The following CHD8 variants were observed in gnomAD, a reference collection of about 807,000 sequenced individuals.
The protein encoded by CHD8 is chromodomain helicase DNA binding protein 8.
In CHD8, 31 loss-of-function variants were observed where a neutral mutation model predicts 279.2. That is an observed-to-expected ratio of 0.11 (90% CI 0.08 to 0.15). CHD8 has a LOEUF of 0.15. Ranked by LOEUF, CHD8 falls within the 10% of genes least tolerant of loss-of-function variation. CHD8 has a pLI of 1.00. For synonymous variants in CHD8, 1,081 were observed against 1,139.6 expected, an observed-to-expected ratio of 0.95 and a Z score of 1.04; for missense variants, 2,146 against 3,230.5, an observed-to-expected ratio of 0.66 and a Z score of 8.14.
chr14:21,455,813 C>G (rs1890374774), intron 1 of CHD8, among the ~76,000 whole-genome samples: 1 of 152,106 alleles, frequency 6.6e-6, no homozygotes, highest in Non-Finnish European at 1.5e-5. Context: ...CGGCCCGGCT[C>G]GGACCCCGCG....
At chr14:21,454,025 G>A (rs1251395687) in intron 1 of CHD8, among the ~76,000 whole-genome samples, 1 of 151,812 alleles carries the variant, frequency 6.6e-6, no homozygotes, top group Non-Finnish European at 1.5e-5. Context: ...AAGCATGGTG[G>A]CGGGCGCCTG....
intron 1 of CHD8, among the ~76,000 whole-genome samples, chr14:21,450,304 GAACT>G (rs1890226671): frequency 1.3e-5 from 2 of 152,082 alleles, no homozygotes; most frequent in African/African-American, 4.8e-5. Context: ...GTTTCTTCCA[GAACT>G]AACCAAAAAG....
In CHD8 at chr14:21,405,638, A is replaced by T. The variant is rs1167117341; in HGVS notation, c.3051+83T>A. 2.6e-6 allele frequency: 4 copies of T among 1,522,826 alleles called. No individual in the cohort carries two copies. Among genetic ancestry groups the T allele is most frequent in the Non-Finnish European group, 3.6e-6 (4 of 1,118,182 alleles). The allele number at this position is 1,522,826 out of a possible 1,614,324, so 94.3% of individuals were successfully genotyped here. On this transcript the variant is annotated intron_variant, in intron 15 of 37. Transcript: ENST00000646647. The surrounding 1 kb of genome is among the most constrained non-coding windows in gnomAD (Gnocchi z 4.2). ...TAAGGAGTTCAGAAAGGCCCTTGAG[A>T]TACCCATGACAACAGATGTCTGCCT... is the stretch of plus-strand genomic sequence containing the variant.
At chr14:21,401,545 A>AT (rs757692092) in intron 20 of CHD8, 32 bp from the exon 21 acceptor site, 233 of 1,160,544 alleles carry the variant, frequency 2.0e-4, no homozygotes, top group Non-Finnish European at 2.5e-4. Context: ...GGTAAAGCTG[A>AT]CTTTTTTTTT....
intron 5 of CHD8, chr14:21,419,714 A>G: frequency 4.6e-6 from 1 of 215,986 alleles, no homozygotes; most frequent in Non-Finnish European, 9.6e-6. Flanking sequence ...CTACAGGACA[A>G]CCCCCCAGGG....
At chr14:21,407,120 G>A in intron 13 of CHD8, 88 bp from the exon 14 acceptor site, 1 of 1,084,146 alleles carries the variant, frequency 9.2e-7, no homozygotes, top group South Asian at 1.6e-5. Flanking sequence ...ATTAAGGCAT[G>A]TTTAATAGGC....
chr14:21,431,892 G>C, intron 1 of CHD8, 34 bp from the exon 2 acceptor site: 7 of 1,463,778 alleles, frequency 4.8e-6, no homozygotes, highest in Non-Finnish European at 4.8e-6. Context: ...ATGAAAAATA[G>C]GCAAAGTTGG....
intron 5 of CHD8, among the ~76,000 whole-genome samples, chr14:21,423,516 A>G (rs1889148168): frequency 6.6e-6 from 1 of 151,386 alleles, no homozygotes; most frequent in African/African-American, 2.4e-5. Flanking sequence ...CTTCCTATCC[A>G]TGAACTTTTT....
Position 21,405,491 on chromosome 14 carries a change from AAATC to A in CHD8, c.3052-31_3052-28del. On this transcript the variant is annotated intron_variant, in intron 15 of 37. Coordinates refer to ENST00000646647, the MANE Select transcript of CHD8 (RefSeq NM_001170629.2). The surrounding 1 kb of genome is among the most constrained non-coding windows in gnomAD (Gnocchi z 4.2). ...TGTGGTCCATTACAGAGAGAAAAAT[AAATC>A]AATAAGATGAGGGCGAACATTCTCA... 6.3e-7 allele frequency: 1 copy of A among 1,592,568 alleles called. No homozygotes were observed. Among genetic ancestry groups the A allele is most frequent in the South Asian group, 1.1e-5 (1 of 88,414 alleles).
intron 37 of CHD8, among the ~76,000 whole-genome samples, chr14:21,386,882 C>T (rs1887272940): frequency 6.6e-6 from 1 of 151,694 alleles, no homozygotes; most frequent in Non-Finnish European, 1.5e-5. Context: ...GCAAGTTGTT[C>T]ACTTGTTCTT....
chr14:21,385,626 T>A lies in CHD8; in HGVS notation c.7733A>T (p.Asp2578Val). The change falls in exon 38 of 38, where the codon GAT becomes GTT. Residue 2578 changes from aspartate (D) to valine (V), a missense_variant. Physicochemically the swap from Asp to Val is radical, Grantham distance 152 (BLOSUM62 -3). Around this residue, in one of 26 missense-constraint regions of CHD8, gnomAD observed 336 missense variants for 392.9 expected, o/e 0.86. Transcript: ENST00000646647. ...MMPANSDSSE[D>V]ADD is the part of the protein sequence containing the mutation. Reference sequence around the variant, plus strand: ...CATGCTGGGGCTTCAGTCATCAGCATCTTCACTGGAGTCTGAGTTAGCTGG... The same window carrying A: ...CATGCTGGGGCTTCAGTCATCAGCAACTTCACTGGAGTCTGAGTTAGCTGG... 1 of 1,551,370 alleles carries A rather than the reference T, an allele frequency of 6.4e-7. No homozygotes were observed. Among genetic ancestry groups the A allele is most frequent in the East Asian group, 2.4e-5 (1 of 40,912 alleles).
chr14:21,452,622 A>C (rs528106776), intron 1 of CHD8, among the ~76,000 whole-genome samples: 3 of 151,876 alleles, frequency 2.0e-5, no homozygotes, highest in Admixed American at 2.0e-4. Context: ...CCAGCCTGGG[A>C]GACACAGGGA....
At chr14:21,392,081 G>C in intron 34 of CHD8, 135 bp from the exon 35 acceptor site, 1 of 777,536 alleles carries the variant, frequency 1.3e-6, no homozygotes, top group East Asian at 2.4e-5. Context: ...TCTGACTAAA[G>C]GGTAAAATTA....
intron 26 of CHD8, chr14:21,399,084 C>T (rs977859684): frequency 4.7e-5 from 16 of 339,818 alleles, no homozygotes; most frequent in South Asian, 1.4e-4. Flanking sequence ...GGAGGATGGC[C>T]GTACTCTTTC....
intron 20 of CHD8, 32 bp from the exon 21 acceptor site, chr14:21,401,545 A>T (rs1365453726): frequency 4.8e-5 from 56 of 1,160,544 alleles, no homozygotes; most frequent in Non-Finnish European, 6.4e-5. Context: ...GGTAAAGCTG[A>T]CTTTTTTTTT....
At chr14:21,450,915 C>A (rs960679539) in intron 1 of CHD8, among the ~76,000 whole-genome samples, 1 of 152,054 alleles carries the variant, frequency 6.6e-6, no homozygotes, top group African/African-American at 2.4e-5. Flanking sequence ...TACAAGGGAG[C>A]AATGAAGCAC....
intron 1 of CHD8, among the ~76,000 whole-genome samples, chr14:21,438,592 T>C (rs1438313389): frequency 1.4e-5 from 2 of 146,964 alleles, no homozygotes; most frequent in Non-Finnish European, 3.0e-5. Context: ...CCCAGCACTT[T>C]GGGAGAGCGA....
At chr14:21,434,464 C>G (rs904220681) in intron 1 of CHD8, among the ~76,000 whole-genome samples, 10 of 151,998 alleles carry the variant, frequency 6.6e-5, no homozygotes, top group African/African-American at 2.4e-4. Flanking sequence ...CTTCCTTTCC[C>G]CCATAATGAT....
chr14:21,407,141 GCAC>G (rs1888285819), intron 13 of CHD8, 109 bp from the exon 14 acceptor site: 2 of 799,896 alleles, frequency 2.5e-6, no homozygotes, highest in Non-Finnish European at 3.8e-6. Context: ...AATACAAACT[GCAC>G]CACCACCCAC....
Sources: gnomAD v4.1 joint callset for allele counts (sites outside exome capture counted in the v4.1 genomes callset) on GRCh38, gnomAD v4.1.1 for gene constraint, gnomAD v4.1.1 regional missense constraint, Gnocchi (gnomAD v3.1) non-coding constraint, MANE v1.5 for transcripts, NCBI Gene and HGNC (gene_info 2026-07-23, HGNC 2026-07-21) for gene names.